Variants in SP2 observed in about 807,000 individuals in gnomAD.
The protein encoded by SP2 is transcription factor Sp2.
Under a neutral mutation model 50.1 loss-of-function variants are expected in SP2, and 9 were observed. That is an observed-to-expected ratio of 0.18 (90% CI 0.11 to 0.31). SP2 has a LOEUF of 0.31. Among genes scored for constraint, SP2 ranks in the 10% least tolerant of loss-of-function variants. SP2 has a pLI of 1.00. For synonymous variants in SP2, 313 were observed against 326.6 expected, an observed-to-expected ratio of 0.96 and a Z score of 0.45; for missense variants, 581 against 806.5, an observed-to-expected ratio of 0.72 and a Z score of 3.39.
intron 1 of SP2, chr17:47,909,722 C>T: frequency 3.1e-6 from 3 of 981,874 alleles, no homozygotes; most frequent in Non-Finnish European, 3.6e-6. Context: ...CAGTCAGAAT[C>T]TCATTTAGGT....
At chr17:47,914,326 G>A (rs1414458072) in intron 1 of SP2, among the ~76,000 whole-genome samples, 1 of 151,452 alleles carries the variant, frequency 6.6e-6, no homozygotes, top group Non-Finnish European at 1.5e-5. Context: ...AGCCAGGATC[G>A]TGCCATTGCA....
At position 47,916,524 on chromosome 17, in the gene SP2, T is replaced by G. The variant is rs750575040; in HGVS notation, c.453T>G (p.Asn151Lys). Residue 151 changes from asparagine (N) to lysine (K), a missense_variant, in exon 3 of 7, where the codon AAT (asparagine) becomes AAG (lysine). By Grantham distance (94) the Asn-to-Lys change is moderately conservative (BLOSUM62 0). Around this residue, in one of 2 missense-constraint regions of SP2, gnomAD observed 397 missense variants for 491.0 expected, o/e 0.81. Transcript: ENST00000376741. The surrounding 1 kb of genome is among the most constrained non-coding windows in gnomAD (Gnocchi z 4.7). Reference protein sequence around the residue: ...SNSQTIQVQPNLTNQIQIIPG... With the variant: ...SNSQTIQVQPKLTNQIQIIPG... ...CCCAAACCATCCAAGTACAGCCCAA[T>G]CTCACCAACCAGATCCAGATCATCC... 33 of 1,613,608 alleles carry G rather than the reference T, an allele frequency of 2.0e-5. No homozygotes were observed. The highest frequency in any genetic ancestry group is 1.7e-4 in the Admixed American group (10 of 59,950).
At chr17:47,925,291 T>C in intron 5 of SP2, 57 bp from the exon 6 acceptor site, 1 of 1,529,784 alleles carries the variant, frequency 6.5e-7, no homozygotes, top group Admixed American at 1.7e-5. Flanking sequence ...CCCCATCCTC[T>C]ACCGCTTTTC....
chr17:47,917,889 G>A lies in SP2; in HGVS notation c.1059+759G>A, dbSNP rs542380740. On this transcript the variant is annotated intron_variant, in intron 3 of 6. Coordinates refer to ENST00000376741, the MANE Select transcript of SP2 (RefSeq NM_003110.6). ...GAATCTCTTTGGCTCTGTGAGGCAAGTTTTATTCTTTGTTCATGCCTGCTA... is the reference window on the plus strand; with the variant it reads ...GAATCTCTTTGGCTCTGTGAGGCAAATTTTATTCTTTGTTCATGCCTGCTA... 47 of 298,206 alleles carry A rather than the reference G, an allele frequency of 1.6e-4. No homozygotes were observed. The Middle Eastern group carries it at 1.6e-3, about 10-fold the overall frequency. 18.5% of individuals were successfully genotyped at this position (298,206 alleles called of 1,614,324 possible).
At chr17:47,901,082 C>A (rs1041450242) in intron 1 of SP2, among the ~76,000 whole-genome samples, 4 of 149,012 alleles carry the variant, frequency 2.7e-5, no homozygotes, top group Non-Finnish European at 5.9e-5. Context: ...ATGACAGTCA[C>A]GTTTTGGAAA....
At position 47,925,019 on chromosome 17, in the gene SP2, C is replaced by T. The variant is rs768835190; in HGVS notation, c.1473C>T (p.Ala491=). ...QIQLQMEQAL[A]GETQPGEKRR... ...AGCTGCAAATGGAACAAGCCCTGGC[C>T]GGAGAGACCCAGCCCGGGGAGAAGC... Residue 491 remains alanine, a synonymous_variant, in exon 5 of 7, where the codon GCC becomes GCT. Coordinates refer to ENST00000376741, the MANE Select transcript of SP2 (RefSeq NM_003110.6). The T allele has an allele frequency of 1.9e-5, 30 of 1,614,040 alleles. 1 individual carries two copies. The highest frequency in any genetic ancestry group is 4.4e-5 in the South Asian group (4 of 91,084).
intron 1 of SP2, chr17:47,909,777 G>C: frequency 2.9e-6 from 2 of 679,690 alleles, no homozygotes; most frequent in Non-Finnish European, 3.6e-6. Context: ...AGTTTTTTAA[G>C]ATGTCCTTGA....
At chr17:47,915,227 ATAG>A in intron 1 of SP2, 82 bp from the exon 2 acceptor site, 1 of 1,011,022 alleles carries the variant, frequency 9.9e-7, no homozygotes, top group Non-Finnish European at 1.5e-6. Context: ...AAAAAAAAAA[ATAG>A]AAAAAAAGAA....
chr17:47,901,504 G>A (rs2034542482), intron 1 of SP2, among the ~76,000 whole-genome samples: 1 of 152,180 alleles, frequency 6.6e-6, no homozygotes, highest in Non-Finnish European at 1.5e-5. Context: ...CTGTCACCAG[G>A]CTGGAGTGCA....
chr17:47,909,019 G>T (rs1386056082), intron 1 of SP2, among the ~76,000 whole-genome samples: 7 of 152,144 alleles, frequency 4.6e-5, no homozygotes, highest in Non-Finnish European at 1.5e-5. Flanking sequence ...GTTCTCTCTT[G>T]TGTTAACTAA....
Position 47,927,751 on chromosome 17 carries a change from G to C in SP2, c.1769G>C (p.Cys590Ser). Residue 590 changes from cysteine (C) to serine (S), a missense_variant, in exon 7 of 7, where the codon TGT (cysteine) becomes TCT (serine). By Grantham distance (112) the Cys-to-Ser change is moderately radical. Transcript: ENST00000376741. ...GACAAACGCTTCGAGTGCGCCCAGT[G>C]TCAGAAGCGCTTCATGAGGAGTGAC... ...TGDKRFECAQCQKRFMRSDHL... is the reference protein window; with the variant it reads ...TGDKRFECAQSQKRFMRSDHL... The C allele has an allele frequency of 6.3e-7, 1 of 1,593,260 alleles. No homozygotes were observed. Among genetic ancestry groups the C allele is most frequent in the Non-Finnish European group, 8.6e-7 (1 of 1,169,432 alleles).
At chr17:47,910,693 C>T (rs1046200189) in intron 1 of SP2, among the ~76,000 whole-genome samples, 2 of 152,190 alleles carry the variant, frequency 1.3e-5, no homozygotes, top group Non-Finnish European at 2.9e-5. Context: ...CACTTAGGCT[C>T]CTTGAGTTCT....
chr17:47,925,209 C>G (rs936035474), intron 5 of SP2, 116 bp downstream of exon 5: 12 of 1,436,544 alleles, frequency 8.4e-6, no homozygotes, highest in African/African-American at 1.4e-5. Context: ...GCTGGCAGCT[C>G]TGTGCCACCT....
intron 2 of SP2, among the ~76,000 whole-genome samples, chr17:47,915,694 A>G (rs924294101): frequency 4.6e-5 from 7 of 152,108 alleles, no homozygotes; most frequent in Non-Finnish European, 1.5e-5. Context: ...ATAAAGTTAC[A>G]TGTTCCGAGT....
Position 47,925,391 on chromosome 17 carries a change from G to T in SP2, c.1591G>T (p.Asp531Tyr), listed in dbSNP as rs762740159. The T allele has an allele frequency of 6.2e-7, 1 of 1,614,148 alleles. No individual in the cohort carries two copies. The highest frequency in any genetic ancestry group is 1.7e-5 in the Admixed American group (1 of 60,032). The change falls in exon 6 of 7, where the codon GAC becomes TAC. Residue 531 changes from aspartate (D) to tyrosine (Y), a missense_variant. Coordinates refer to ENST00000376741, the MANE Select transcript of SP2 (RefSeq NM_003110.6). Reference sequence around the variant, plus strand: ...GAAGAAGCACGTGTGCCACATCCCCGACTGTGGCAAGACGTTCCGTAAGAC... The same window carrying T: ...GAAGAAGCACGTGTGCCACATCCCCTACTGTGGCAAGACGTTCCGTAAGAC... Reference protein sequence around the residue: ...GKKKHVCHIPDCGKTFRKTSL... With the variant: ...GKKKHVCHIPYCGKTFRKTSL...
intron 1 of SP2, chr17:47,909,576 T>C: frequency 3.1e-6 from 1 of 323,244 alleles, no homozygotes; most frequent in Non-Finnish European, 4.5e-6. Context: ...TTTAAAGCCA[T>C]ATATGCCTTT....
rs533525682 is a variant in SP2, at chr17:47,923,070, C to T, written c.1168C>T (p.Arg390Cys). 17 of 1,614,228 alleles carry T rather than the reference C, an allele frequency of 1.1e-5. No individual in the cohort carries two copies. Among genetic ancestry groups the T allele is most frequent in the South Asian group, 5.5e-5 (5 of 91,092 alleles). The part of the protein sequence containing the change: ...SNTTCSSPAS[R>C]APHLSGTSKK... ...CACCACCTGTAGCAGCCCTGCATCC[C>T]GTGCTCCCCATCTGAGTGGGACCAG... Residue 390 changes from arginine (R) to cysteine (C), a missense_variant, in exon 4 of 7, where the codon CGT becomes TGT. Coordinates refer to ENST00000376741, the MANE Select transcript of SP2 (RefSeq NM_003110.6).
intron 1 of SP2, chr17:47,898,143 G>A (rs2034410846): frequency 6.6e-6 from 1 of 152,242 alleles, no homozygotes; most frequent in Non-Finnish European, 1.5e-5. Context: ...CTGGCTCCGG[G>A]AGAAAGAGTT....
rs775266914 is a variant in SP2 at position 47,922,984 on chromosome 17, G to T, written c.1082G>T (p.Gly361Val). The change falls in exon 4 of 7, where the codon GGT becomes GTT. Residue 361 changes from glycine to valine, a missense_variant. Gly to Val is a moderately radical substitution (Grantham distance 109). Around this residue, in one of 2 missense-constraint regions of SP2, gnomAD observed 397 missense variants for 491.0 expected, o/e 0.81. Transcript: ENST00000376741. ...PTQVYIRTPS[G>V]EVQTVLVQDS... ...CAGGTCTACATCCGCACGCCTTCCG[G>T]TGAGGTGCAGACAGTCCTTGTCCAG... The T allele has an allele frequency of 6.2e-7, 1 of 1,613,182 alleles. No homozygotes were observed. The highest frequency in any genetic ancestry group is 8.5e-7 in the Non-Finnish European group (1 of 1,179,282).
Sources: allele counts gnomAD v4.1 joint callset (sites outside exome capture counted in the v4.1 genomes callset), GRCh38; gene constraint gnomAD v4.1.1; regional missense constraint gnomAD v4.1.1; non-coding constraint Gnocchi (gnomAD v3.1); transcripts MANE v1.5; gene names NCBI Gene and HGNC (gene_info 2026-07-23, HGNC 2026-07-21).